Variants in RABGAP1L observed in about 807,000 individuals in gnomAD.
The protein encoded by RABGAP1L is rab GTPase-activating protein 1-like.
In RABGAP1L, 63 loss-of-function variants were observed where a neutral mutation model predicts 137.7. The ratio of observed to expected loss-of-function variants is 0.46; its 90% CI spans 0.37 to 0.56. The LOEUF is 0.56. Among genes scored for constraint, RABGAP1L ranks in the 20% least tolerant of loss-of-function variants. The pLI is 0.00. For missense variants in RABGAP1L, 1,095 were observed against 1,244.0 expected (o/e 0.88, Z 1.80); for synonymous variants, 431 against 433.7 (o/e 0.99, Z 0.08).
chr1:174,503,241 C>T (rs1661490300), intron 13 of RABGAP1L, among the ~76,000 whole-genome samples: 1 of 152,212 alleles, frequency 6.6e-6, no homozygotes, highest in African/African-American at 2.4e-5. Context: ...TCTGGTGCCA[C>T]TATGGCAGAG....
At chr1:174,629,725 G>A (rs925123393) in intron 13 of RABGAP1L, among the ~76,000 whole-genome samples, 11 of 152,008 alleles carry the variant, frequency 7.2e-5, no homozygotes, top group African/African-American at 1.9e-4. Context: ...GGGTTTCACC[G>A]TGTTGCCAGG....
chr1:174,491,547 G>T (rs186960177), intron 13 of RABGAP1L, among the ~76,000 whole-genome samples: 10 of 152,160 alleles, frequency 6.6e-5, no homozygotes, highest in Admixed American at 2.6e-4. Context: ...CCTGGAGCTG[G>T]AGGAGGGTGG....
chr1:174,981,873 A>G (rs149348646), intron 23 of RABGAP1L, among the ~76,000 whole-genome samples: 3 of 152,302 alleles, frequency 2.0e-5, no homozygotes, highest in Non-Finnish European at 4.4e-5. Flanking sequence ...GCCAAGTGCT[A>G]TGCTAACCCC....
At chr1:174,829,885 T>A (rs1691924382) in intron 19 of RABGAP1L, among the ~76,000 whole-genome samples, 1 of 148,538 alleles carries the variant, frequency 6.7e-6, no homozygotes, top group Non-Finnish European at 1.5e-5. Flanking sequence ...CATGAGTATA[T>A]CTGCATATTT....
chr1:174,416,843 C>T (rs960299479), intron 13 of RABGAP1L, among the ~76,000 whole-genome samples: 1 of 151,990 alleles, frequency 6.6e-6, no homozygotes, highest in African/African-American at 2.4e-5. Context: ...GTTTCCCAGG[C>T]TGCTTTGTGT....
At chr1:174,520,713 T>C (rs1243508087) in intron 13 of RABGAP1L, among the ~76,000 whole-genome samples, 4 of 152,122 alleles carry the variant, frequency 2.6e-5, no homozygotes, top group Non-Finnish European at 5.9e-5. Flanking sequence ...AAAAAGTGTT[T>C]TAGTCTCGGC....
At chr1:174,538,947 A>G (rs996255438) in intron 13 of RABGAP1L, among the ~76,000 whole-genome samples, 1 of 152,150 alleles carries the variant, frequency 6.6e-6, no homozygotes, top group Non-Finnish European at 1.5e-5. Context: ...AAAACATATT[A>G]GTGTAGTGTT....
intron 19 of RABGAP1L, among the ~76,000 whole-genome samples, chr1:174,881,971 C>A (rs1253986067): frequency 6.6e-6 from 1 of 152,142 alleles, no homozygotes; most frequent in Non-Finnish European, 1.5e-5. Context: ...AAGAGATTCT[C>A]TTGCCTCAGC....
intron 13 of RABGAP1L, among the ~76,000 whole-genome samples, chr1:174,474,131 AG>A (rs1194687858): frequency 2.0e-5 from 3 of 152,202 alleles, no homozygotes; most frequent in African/African-American, 7.2e-5. Flanking sequence ...CCTAGTATAT[AG>A]TAGGTAGTTA....
chr1:174,240,607 C>G (rs950236637), intron 4 of RABGAP1L, among the ~76,000 whole-genome samples: 1 of 152,088 alleles, frequency 6.6e-6, no homozygotes, highest in African/African-American at 2.4e-5. Context: ...TCCCAGACTC[C>G]TTTCAGCTTT....
At chr1:174,247,278 A>G (rs931666724) in intron 5 of RABGAP1L, among the ~76,000 whole-genome samples, 5 of 152,224 alleles carry the variant, frequency 3.3e-5, no homozygotes, top group African/African-American at 1.2e-4. Flanking sequence ...AATTACATAC[A>G]GGTGTTCTCC....
intron 13 of RABGAP1L, chr1:174,548,407 A>G (rs988753063): frequency 2.4e-5 from 23 of 977,816 alleles, no homozygotes; most frequent in Non-Finnish European, 2.8e-5. Flanking sequence ...AGTGGAAATA[A>G]TGAAGAAACT....
chr1:174,800,135 C>A (rs1688617779), intron 18 of RABGAP1L: 2 of 1,370,272 alleles, frequency 1.5e-6, no homozygotes, highest in Admixed American at 6.7e-5. Context: ...TTTCATTTTC[C>A]AGTCTACTTT....
intron 10 of RABGAP1L, among the ~76,000 whole-genome samples, chr1:174,293,019 A>C (rs1054773747): frequency 6.6e-6 from 1 of 152,200 alleles, no homozygotes; most frequent in Non-Finnish European, 1.5e-5. Flanking sequence ...GTGGTGGACC[A>C]GGAATTGAAT....
intron 19 of RABGAP1L, among the ~76,000 whole-genome samples, chr1:174,849,008 C>T (rs981481123): frequency 3.9e-5 from 6 of 152,140 alleles, no homozygotes; most frequent in African/African-American, 9.7e-5. Context: ...CGTCCGTCAC[C>T]GCTTTCTTTG....
In RABGAP1L at chr1:174,651,380, C is replaced by T. The variant is rs1414770663; in HGVS notation, c.1824+13892C>T. On this transcript the variant is annotated intron_variant, in intron 14 of 25. Coordinates refer to ENST00000681986, the MANE Select transcript of RABGAP1L (RefSeq NM_001366446.1). The stretch of plus-strand genomic sequence containing the variant: ...TTGGTGCAGAGCTCAGTTCAATTCC[C>T]AGGTATCCTTGTTAACTTTCTGTCT... 3.9e-5 allele frequency among the ~76,000 whole-genome samples: 6 copies of T among 152,150 alleles called. No individual in the cohort carries two copies. The East Asian group carries it at 9.7e-4, about 24-fold the overall frequency.
intron 11 of RABGAP1L, among the ~76,000 whole-genome samples, chr1:174,305,994 T>A (rs546482574): frequency 2.6e-5 from 4 of 152,280 alleles, no homozygotes; most frequent in African/African-American, 9.6e-5. Flanking sequence ...ACTTCTCACC[T>A]ATGAGTGAGA....
At chr1:174,636,895 T>C (rs1674091823) in intron 13 of RABGAP1L, among the ~76,000 whole-genome samples, 1 of 152,190 alleles carries the variant, frequency 6.6e-6, no homozygotes, top group Non-Finnish European at 1.5e-5. Flanking sequence ...TATTGTTTGT[T>C]ATATAAATAG....
chr1:174,586,439 G>A (rs2148111004), intron 13 of RABGAP1L, among the ~76,000 whole-genome samples: 1 of 152,110 alleles, frequency 6.6e-6, no homozygotes, highest in South Asian at 2.1e-4. Context: ...AACACATGCT[G>A]AGCTTAATAC....
Sources: gnomAD v4.1 joint callset for allele counts (sites outside exome capture counted in the v4.1 genomes callset) on GRCh38, gnomAD v4.1.1 for gene constraint, MANE v1.5 for transcripts, NCBI Gene and HGNC (gene_info 2026-07-23, HGNC 2026-07-21) for gene names.